ADGRF1: variants seen among roughly 807,000 people sequenced by gnomAD.
ADGRF1 encodes adhesion G protein-coupled receptor F1.
ADGRF1 carries 85 observed loss-of-function variants against 87.2 expected under a neutral mutation model. That is an observed-to-expected ratio of 0.97 (90% confidence interval 0.82 to 1.17). The LOEUF (loss-of-function observed/expected upper bound fraction) is 1.17. Ranked by LOEUF, ADGRF1 falls within the 50% of genes most tolerant of loss-of-function variation. The pLI is 0.00. For synonymous variants in ADGRF1, 430 were observed against 408.8 expected, an observed-to-expected ratio of 1.05 and a Z score of -0.63; for missense variants, 1,169 against 1,077.2, an observed-to-expected ratio of 1.09 and a Z score of -1.19.
At chr6:47,037,564 G>A (rs948173923) in intron 1 of ADGRF1, among the ~76,000 whole-genome samples, 9 of 152,174 alleles carry the variant, frequency 5.9e-5, no homozygotes, top group South Asian at 4.1e-4. Context: ...CTGGGGTGCC[G>A]TGCCATGATC....
chr6:47,005,377 T>G (rs1461268695), intron 13 of ADGRF1, among the ~76,000 whole-genome samples: 1 of 152,190 alleles, frequency 6.6e-6, no homozygotes, highest in Non-Finnish European at 1.5e-5. Context: ...TTTTATGTAT[T>G]AGAAGTTAAC....
At chr6:47,033,178 G>A (rs1446325285) in intron 1 of ADGRF1, among the ~76,000 whole-genome samples, 1 of 152,208 alleles carries the variant, frequency 6.6e-6, no homozygotes, top group African/African-American at 2.4e-5. Flanking sequence ...TGCCTGAGCT[G>A]CAGCTGTGTG....
intron 10 of ADGRF1, 77 bp from the exon 11 acceptor site, chr6:47,010,395 A>G (rs1779671334): frequency 8.2e-7 from 1 of 1,214,302 alleles, no homozygotes; most frequent in Non-Finnish European, 1.1e-6. Context: ...AGTCATTAGC[A>G]TTAAGAATAG....
intron 9 of ADGRF1, chr6:47,013,017 C>A: frequency 1.1e-6 from 1 of 950,580 alleles, no homozygotes; most frequent in Non-Finnish European, 1.3e-6. Context: ...CATGATCTGC[C>A]CGGCTTGGCC....
Position 47,020,742 on chromosome 6 carries a change from G to A in ADGRF1, c.600C>T (p.Val200=), listed in dbSNP as rs1416642286. 3.7e-6 allele frequency: 6 copies of A among 1,613,760 alleles called. No homozygotes were observed. Among genetic ancestry groups the A allele is most frequent in the South Asian group, 1.1e-5 (1 of 91,066 alleles). Residue 200 remains valine, a synonymous_variant, in exon 7 of 15, where the codon GTC becomes GTT. Coordinates refer to ENST00000371253, the MANE Select transcript of ADGRF1 (RefSeq NM_153840.4). ...ERIQGFESVQ[V]TQFRNGSIVA... is the part of the protein sequence containing the mutation. ...ATTGTGTTACTTACCGAAATTGGGTGACCTGAACCGACTCAAAACCTTGAA... is the reference window on the plus strand; with the variant it reads ...ATTGTGTTACTTACCGAAATTGGGTAACCTGAACCGACTCAAAACCTTGAA...
intron 7 of ADGRF1, chr6:47,019,953 A>G: frequency 2.0e-6 from 2 of 986,238 alleles, no homozygotes; most frequent in Non-Finnish European, 2.4e-6. Context: ...TGATGTATAC[A>G]TGTTATCTGT....
Position 47,024,147 on chromosome 6 carries a change from G to C in ADGRF1, c.348C>G (p.Cys116Trp). 1 of 1,613,976 alleles carries C rather than the reference G, an allele frequency of 6.2e-7. No individual in the cohort carries two copies. Among genetic ancestry groups the C allele is most frequent in the Admixed American group, 1.7e-5 (1 of 60,024 alleles). ...GAAGGTAGCAGTTCTGGGGATCAAG[G>C]CATGAGGGAGGAAACCAGGTGTAGC... ...EDSYTWFPPS[C>W]LDPQNCYLHT... Residue 116 changes from cysteine to tryptophan, a missense_variant, in exon 5 of 15, where the codon TGC (cysteine) becomes TGG (tryptophan). Cys to Trp is a radical substitution (Grantham distance 215). Coordinates refer to ENST00000371253, the MANE Select transcript of ADGRF1 (RefSeq NM_153840.4).
chr6:47,018,738 C>A, intron 7 of ADGRF1: 2 of 299,604 alleles, frequency 6.7e-6, no homozygotes, highest in South Asian at 3.6e-5. Flanking sequence ...ATGGTGAAAC[C>A]CTTCTTTATT....
intron 1 of ADGRF1, among the ~76,000 whole-genome samples, chr6:47,033,738 A>G (rs796227073): frequency 3.9e-5 from 6 of 152,388 alleles, no homozygotes; most frequent in African/African-American, 1.4e-4. Flanking sequence ...TCAGTTTTTG[A>G]TAACATTTTC....
intron 7 of ADGRF1, chr6:47,018,175 G>T (rs1273715789): frequency 3.4e-6 from 1 of 293,714 alleles, no homozygotes; most frequent in Non-Finnish European, 6.4e-6. Flanking sequence ...TGAGTCTGGA[G>T]TTCAGGGGAG....
chr6:47,040,441 C>T (rs1780705035), intron 1 of ADGRF1, among the ~76,000 whole-genome samples: 1 of 152,056 alleles, frequency 6.6e-6, no homozygotes, highest in Non-Finnish European at 1.5e-5. Flanking sequence ...CACTGCACTC[C>T]AGCCTGGGCG....
chr6:47,039,945 G>A (rs1054872674), intron 1 of ADGRF1, among the ~76,000 whole-genome samples: 1 of 152,014 alleles, frequency 6.6e-6, no homozygotes, highest in Non-Finnish European at 1.5e-5. Flanking sequence ...CTGAGCAACA[G>A]AGTGAGAAAC....
rs560740991 is a variant in ADGRF1, at chr6:46,998,744, C to T, written c.*1478G>A. ...TGTGGGTAGGTAGAGTGAGAAGGCTCATAGAGCAGTTTTCTGCAAAGAAGT... is the reference window on the plus strand; with the variant it reads ...TGTGGGTAGGTAGAGTGAGAAGGCTTATAGAGCAGTTTTCTGCAAAGAAGT... On this transcript the variant is annotated 3_prime_UTR_variant, in exon 15 of 15. Transcript: ENST00000371253. 2.0e-5 allele frequency: 3 copies of T among 152,358 alleles called. No homozygotes were observed. The highest frequency in any genetic ancestry group is 6.5e-5 in the Admixed American group (1 of 15,298). 9.4% of individuals were successfully genotyped at this position (152,358 alleles called of 1,614,324 possible).
chr6:47,022,653 A>G (rs1306463281), intron 5 of ADGRF1, among the ~76,000 whole-genome samples: 1 of 152,006 alleles, frequency 6.6e-6, no homozygotes, highest in Non-Finnish European at 1.5e-5. Flanking sequence ...ATTCCTAAAC[A>G]TTGATTTGTG....
intron 1 of ADGRF1, among the ~76,000 whole-genome samples, chr6:47,039,597 T>C (rs1780679601): frequency 6.6e-6 from 1 of 152,196 alleles, no homozygotes; most frequent in African/African-American, 2.4e-5. Context: ...GAAGAGTGTA[T>C]GTTTCAGACC....
At chr6:47,042,002 G>C (rs556367546) in intron 1 of ADGRF1, among the ~76,000 whole-genome samples, 189 bp downstream of exon 1, 1 of 152,198 alleles carries the variant, frequency 6.6e-6, no homozygotes, top group African/African-American at 2.4e-5. Flanking sequence ...GTTAGTAAGC[G>C]GGTTGAAATC....
chr6:47,013,478 G>A, intron 9 of ADGRF1: 1 of 985,456 alleles, frequency 1.0e-6, no homozygotes, highest in Non-Finnish European at 1.2e-6. Flanking sequence ...GTCTCTGGCT[G>A]GAATAGAAGT....
At chr6:47,041,017 G>C (rs768304737) in intron 1 of ADGRF1, among the ~76,000 whole-genome samples, 70 of 152,258 alleles carry the variant, frequency 4.6e-4, no homozygotes, top group Middle Eastern at 6.8e-3. Context: ...GTGCACAAAA[G>C]GTGAGTTTGC....
Position 47,024,054 on chromosome 6 carries a change from A to G in ADGRF1, c.441T>C (p.Cys147=). Residue 147 remains cysteine, a synonymous_variant, in exon 5 of 15, where the codon TGT becomes TGC. Transcript: ENST00000371253. ...LNNLSQSVNF[C]ERTKIWGTFK... ...TTCTTAGTTGCTTACTTGTTCTCTC[A>G]CAGAAATTGACACTCTGGCTGAGGT... 1 of 1,613,630 alleles carries G rather than the reference A, an allele frequency of 6.2e-7. No homozygotes were observed. The highest frequency in any genetic ancestry group is 1.1e-5 in the South Asian group (1 of 90,976).
Sources: allele counts gnomAD v4.1 joint callset (sites outside exome capture counted in the v4.1 genomes callset), GRCh38; gene constraint gnomAD v4.1.1; transcripts MANE v1.5; gene names NCBI Gene and HGNC (gene_info 2026-07-23, HGNC 2026-07-21).